SLC6A18: variants seen among roughly 807,000 people sequenced by gnomAD.
SLC6A18 encodes the protein inactive sodium-dependent neutral amino acid transporter B(0)AT3.
SLC6A18 carries 58 observed loss-of-function variants against 62.9 expected under a neutral mutation model. That is an observed-to-expected ratio of 0.92 (90% CI 0.75 to 1.15). The LOEUF (loss-of-function observed/expected upper bound fraction) is 1.15, where lower values mean the gene tolerates loss of function less well. Ranked by LOEUF, SLC6A18 falls within the 50% of genes most tolerant of loss-of-function variation. The probability of loss-of-function intolerance (pLI) is 0.00; values close to 1 mark genes in which losing one functional copy is unlikely to be tolerated. For synonymous variants in SLC6A18, 382 were observed against 365.8 expected (o/e 1.04, Z -0.51); for missense variants, 793 against 836.6 (o/e 0.95, Z 0.64).
chr5:1,235,760 C>A (rs957846757), intron 4 of SLC6A18, 98 bp downstream of exon 4: 8 of 1,248,518 alleles, frequency 6.4e-6, no homozygotes, highest in South Asian at 2.6e-5. Flanking sequence ...CAAGCTCTTG[C>A]GAGGGGCATA....
At position 1,235,630 on chromosome 5, in the gene SLC6A18, T is replaced by C; in HGVS notation, c.589T>C (p.Cys197Arg). 1 of 1,613,976 alleles carries C rather than the reference T, an allele frequency of 6.2e-7. No individual in the cohort carries two copies. The highest frequency in any genetic ancestry group is 8.5e-7 in the Non-Finnish European group (1 of 1,180,016). The change falls in exon 4 of 12, where the codon TGT (cysteine) becomes CGT (arginine). Residue 197 changes from cysteine (C) to arginine (R), a missense_variant. Transcript: ENST00000324642. ...AGCCTCCTGGGCAGTCGTGTACATG[T>C]GTGTCATCAGGGGCATTGAGACTAC... ...LAASWAVVYM[C>R]VIRGIETTGK...
intron 7 of SLC6A18, 42 bp downstream of exon 7, chr5:1,240,701 CCAGA>C: frequency 3.7e-6 from 6 of 1,608,258 alleles, no homozygotes; most frequent in Non-Finnish European, 5.1e-6. Flanking sequence ...GGCACAGCCG[CCAGA>C]CAGGTGCCTG....
At chr5:1,227,044 CCTTGCCCGCCGACA>C (rs1746598225) in intron 1 of SLC6A18, among the ~76,000 whole-genome samples, 1 of 138,852 alleles carries the variant, frequency 7.2e-6, no homozygotes, top group African/African-American at 3.2e-5. Context: ...CCCGCCGACG[CCTTGCCCGCCGACA>C]CCTTGCCCGC....
chr5:1,244,423 C>T (rs769685116), intron 10 of SLC6A18, 50 bp downstream of exon 10: 11 of 1,605,372 alleles, frequency 6.9e-6, no homozygotes, highest in Non-Finnish European at 9.4e-6. Context: ...CAGGGTGGGA[C>T]AGGGAATGGC....
At chr5:1,245,788 G>C (rs1401566778) in intron 11 of SLC6A18, 60 bp from the exon 12 acceptor site, 1 of 1,512,426 alleles carries the variant, frequency 6.6e-7, no homozygotes, top group East Asian at 2.4e-5. Flanking sequence ...TGAGGAGCAC[G>C]GGGGTCAGCC....
At chr5:1,232,664 T>C in intron 2 of SLC6A18, 87 bp from the exon 3 acceptor site, 1 of 1,510,402 alleles carries the variant, frequency 6.6e-7, no homozygotes, top group South Asian at 1.3e-5. Flanking sequence ...TTATTTTATG[T>C]TGTTATTTTG....
rs148657817 is a variant in SLC6A18 at position 1,235,509 on chromosome 5, C to T, written c.468C>T (p.Ser156=). 140 of 1,613,984 alleles carry T rather than the reference C, an allele frequency of 8.7e-5. No homozygotes were observed. The African/African-American group carries it at 1.1e-3, about 13-fold the overall frequency. Residue 156 remains serine (S), a synonymous_variant, in exon 4 of 12, where the codon AGC becomes AGT. Coordinates refer to ENST00000324642, the MANE Select transcript of SLC6A18 (RefSeq NM_182632.3). ...TTGTGGAGGAGTGCCAGGGCAGCAGCGCCGTGAGCTACTTCTGGTACCGGC... is the reference window on the plus strand; with the variant it reads ...TTGTGGAGGAGTGCCAGGGCAGCAGTGCCGTGAGCTACTTCTGGTACCGGC... ...TGFVEECQGS[S]AVSYFWYRQT...
At chr5:1,231,290 T>G (rs1746724681) in intron 1 of SLC6A18, among the ~76,000 whole-genome samples, 1 of 152,212 alleles carries the variant, frequency 6.6e-6, no homozygotes, top group South Asian at 2.1e-4. Context: ...GGAGCCGGCC[T>G]GTTCCCCCTG....
Position 1,243,678 on chromosome 5 carries a change from T to G in SLC6A18, c.1255T>G (p.Phe419Val), listed in dbSNP as rs1206822832. The stretch of plus-strand genomic sequence containing the variant: ...GTTCACCTTGGGGCTATCGACCATG[T>G]TCGGGACCGTGGAGGCGGTCATCAC... ...MLFTLGLSTM[F>V]GTVEAVITPL... The change falls in exon 9 of 12, where the codon TTC (phenylalanine) becomes GTC (valine). Residue 419 changes from phenylalanine (F) to valine (V), a missense_variant. By Grantham distance (50) the Phe-to-Val change is conservative. Coordinates refer to ENST00000324642, the MANE Select transcript of SLC6A18 (RefSeq NM_182632.3). This position sits in a 1 kb window ranked among gnomAD's most constrained non-coding sequence, Gnocchi z 6.5. 6.2e-7 allele frequency: 1 copy of G among 1,614,056 alleles called. No homozygotes were observed. The highest frequency in any genetic ancestry group is 8.5e-7 in the Non-Finnish European group (1 of 1,179,992).
Position 1,240,621 on chromosome 5 carries a change from G to A in SLC6A18, c.936G>A (p.Gly312=). 6.2e-7 allele frequency: 1 copy of A among 1,614,142 alleles called. No individual in the cohort carries two copies. Among genetic ancestry groups the A allele is most frequent in the Non-Finnish European group, 8.5e-7 (1 of 1,180,018 alleles). ...CCATCGCTGTCTTCTCTGTCCTGGG[G>A]TTCAAAGCAACTAATGACTACGAGC... The part of the protein sequence containing the change: ...YASIAVFSVL[G]FKATNDYEHC... The change falls in exon 7 of 12, where the codon GGG becomes GGA. Residue 312 remains glycine, a synonymous_variant. Coordinates refer to ENST00000324642, the MANE Select transcript of SLC6A18 (RefSeq NM_182632.3).
Position 1,243,855 on chromosome 5 carries a change from G to T in SLC6A18, c.1336+96G>T. The T allele has an allele frequency of 2.5e-6, 3 of 1,186,808 alleles. No individual in the cohort carries two copies. Among genetic ancestry groups the T allele is most frequent in the African/African-American group, 1.5e-5 (1 of 65,390 alleles). 73.5% of individuals were successfully genotyped at this position (1,186,808 alleles called of 1,614,324 possible). On this transcript the variant is annotated intron_variant, in intron 9 of 11. Transcript: ENST00000324642. This position sits in a 1 kb window ranked among gnomAD's most constrained non-coding sequence, Gnocchi z 6.5. ...CAGACGCCCCTCCTGGATGGAGAGC[G>T]CAAGGGGCCAAGCCTGAGTTCAGGG...
intron 1 of SLC6A18, among the ~76,000 whole-genome samples, chr5:1,227,306 G>A (rs542472749): frequency 2.5e-4 from 38 of 152,344 alleles, no homozygotes; most frequent in Admixed American, 5.9e-4. Context: ...CACCTGGGGT[G>A]CTGCTGAGGA....
Position 1,243,371 on chromosome 5 carries a change from T to A in SLC6A18, c.1132-184T>A, listed in dbSNP as rs150217565. ...AGGGGAAGGACCCTCCCCTGCAGAG[T>A]TGCGCTTGCAGCCTCGTCTCCCAGA... On this transcript the variant is annotated intron_variant, in intron 8 of 11. Transcript: ENST00000324642. The surrounding 1 kb of genome is among the most constrained non-coding windows in gnomAD (Gnocchi z 6.5). Among the ~76,000 whole-genome samples the A allele has an allele frequency of 2.6e-5, 4 of 152,178 alleles. No individual in the cohort carries two copies. Among genetic ancestry groups the A allele is most frequent in the African/African-American group, 9.6e-5 (4 of 41,532 alleles).
intron 1 of SLC6A18, among the ~76,000 whole-genome samples, chr5:1,227,026 ACGCCT>A (rs1415666071): frequency 1.6e-4 from 8 of 49,246 alleles, no homozygotes; most frequent in African/African-American, 6.1e-4. Flanking sequence ...GACGCGCCCA[ACGCCT>A]TGCCCGCCGA....
At chr5:1,236,725 C>T (rs559388735) in intron 4 of SLC6A18, among the ~76,000 whole-genome samples, 16 of 152,220 alleles carry the variant, frequency 1.1e-4, no homozygotes, top group South Asian at 6.2e-4. Context: ...GTGCCCCATG[C>T]GCTGTGCAGT....
chr5:1,240,708 G>T (rs2126539219), intron 7 of SLC6A18, 49 bp downstream of exon 7: 1 of 1,605,902 alleles, frequency 6.2e-7, no homozygotes, highest in Non-Finnish European at 8.5e-7. Context: ...CCGCCAGACA[G>T]GTGCCTGCCG....
Position 1,232,952 on chromosome 5 carries a change from T to C in SLC6A18, c.439+64T>C. The C allele has an allele frequency of 1.9e-6, 3 of 1,542,454 alleles. No individual in the cohort carries two copies. In the African/African-American group the frequency reaches 4.1e-5, roughly 21 times the overall value. ...GCCGAGAGAGGCATGTGCTGCAGCG[T>C]GTCCAGCATCAGAGCAGCTGCGGGT... On this transcript the variant is annotated intron_variant, in intron 3 of 11. Coordinates refer to ENST00000324642, the MANE Select transcript of SLC6A18 (RefSeq NM_182632.3).
At chr5:1,229,771 T>G (rs1396140745) in intron 1 of SLC6A18, among the ~76,000 whole-genome samples, 3 of 145,324 alleles carry the variant, frequency 2.1e-5, no homozygotes, top group Non-Finnish European at 4.5e-5. Flanking sequence ...GCCTCCACGG[T>G]GCAGGCTGGG....
rs1747109711 is a variant in SLC6A18 at position 1,243,155 on chromosome 5, C to T, written c.1131+292C>T. 6.6e-6 allele frequency among the ~76,000 whole-genome samples: 1 copy of T among 152,094 alleles called. No individual in the cohort carries two copies. Among genetic ancestry groups the T allele is most frequent in the African/African-American group, 2.4e-5 (1 of 41,404 alleles). The stretch of plus-strand genomic sequence containing the variant: ...CCCAGACCCCAGGAGAGGGGGTGGC[C>T]AGCATGAGGGTCACAGTGCCAGGGC... On this transcript the variant is annotated intron_variant, in intron 8 of 11. Transcript: ENST00000324642. The surrounding 1 kb of genome is among the most constrained non-coding windows in gnomAD (Gnocchi z 6.5).
Sources: gnomAD v4.1 joint callset for allele counts (sites outside exome capture counted in the v4.1 genomes callset) on GRCh38, gnomAD v4.1.1 for gene constraint, Gnocchi (gnomAD v3.1) non-coding constraint, MANE v1.5 for transcripts, NCBI Gene and HGNC (gene_info 2026-07-23, HGNC 2026-07-21) for gene names.